Variants in ATP6V1E1 observed in about 807,000 individuals in gnomAD.
ATP6V1E1 encodes the protein ATPase H+ transporting V1 subunit E1.
A neutral mutation model predicts 35.2 loss-of-function variants in ATP6V1E1; 21 were observed. That is an observed-to-expected ratio of 0.60 (90% CI 0.42 to 0.86). The LOEUF (loss-of-function observed/expected upper bound fraction) is 0.86, where lower values mean the gene tolerates loss of function less well. Among genes scored for constraint, ATP6V1E1 ranks in the 40% least tolerant of loss-of-function variants. The pLI is 0.00. For missense variants in ATP6V1E1, 183 were observed against 272.6 expected, an observed-to-expected ratio of 0.67 and a Z score of 2.32; for synonymous variants, 83 against 87.8, an observed-to-expected ratio of 0.95 and a Z score of 0.30.
At chr22:17,607,147 C>CTTTTTTT in intron 4 of ATP6V1E1, among the ~76,000 whole-genome samples, 1 of 151,750 alleles carries the variant, frequency 6.6e-6, no homozygotes, top group East Asian at 1.9e-4. Flanking sequence ...TTTACCTGTT[C>CTTTTTTT]TTCCTATATT....
intron 4 of ATP6V1E1, among the ~76,000 whole-genome samples, chr22:17,605,530 CAAAAAG>C (rs1011474551): frequency 3.3e-5 from 5 of 151,594 alleles, no homozygotes; most frequent in African/African-American, 7.3e-5. Context: ...AACTCCGTCT[CAAAAAG>C]AAAAAGAAAA....
chr22:17,600,218 T>A, intron 5 of ATP6V1E1, 123 bp from the exon 6 acceptor site: 1 of 816,184 alleles, frequency 1.2e-6, no homozygotes, highest in East Asian at 2.7e-5. Context: ...GCGGATTGCC[T>A]GAGCTCAGAA....
At chr22:17,625,655 T>A (rs1419737318) in intron 1 of ATP6V1E1, among the ~76,000 whole-genome samples, 1 of 151,768 alleles carries the variant, frequency 6.6e-6, no homozygotes, top group Non-Finnish European at 1.5e-5. Context: ...GCACAGTACT[T>A]CAGAAAAAAA....
intron 4 of ATP6V1E1, among the ~76,000 whole-genome samples, chr22:17,609,379 CA>C (rs2057803107): frequency 1.3e-5 from 2 of 150,188 alleles, no homozygotes; most frequent in South Asian, 4.2e-4. Context: ...GGGCTGGTCT[CA>C]AACTCCTGAC....
At position 17,600,021 on chromosome 22, in the gene ATP6V1E1, CT is replaced by C; in HGVS notation, c.435+5del. ...GGGAGGGAAAAAATTATCCTAAGTT[CT>C]TTACCTTTACCAGAGGGAAATCTTG... On this transcript the variant is annotated splice_donor_5th_base_variant and intron_variant, in intron 6 of 8. Transcript: ENST00000253413. 1 of 1,611,338 alleles carries C rather than the reference CT, an allele frequency of 6.2e-7. No homozygotes were observed. The highest frequency in any genetic ancestry group is 8.5e-7 in the Non-Finnish European group (1 of 1,177,810).
rs559939597 is a variant in ATP6V1E1 at position 17,616,546 on chromosome 22, G to T, written c.99+2915C>A. ...TACAAAAAATTAGCTGGGCGTGATG[G>T]CATGCGCCTGTAGTCCCAGCTACTT... On this transcript the variant is annotated intron_variant, in intron 2 of 8. Coordinates refer to ENST00000253413, the MANE Select transcript of ATP6V1E1 (RefSeq NM_001696.4). 5.9e-5 allele frequency among the ~76,000 whole-genome samples: 9 copies of T among 151,998 alleles called. No individual in the cohort carries two copies. In the South Asian group the frequency reaches 1.5e-3, roughly 25 times the overall value.
intron 1 of ATP6V1E1, among the ~76,000 whole-genome samples, chr22:17,626,485 C>A (rs1227500330): frequency 6.6e-6 from 1 of 152,108 alleles, no homozygotes; most frequent in East Asian, 1.9e-4. Flanking sequence ...AATGATTCTC[C>A]CACATCAGCC....
At chr22:17,602,407 C>T (rs575303871) in intron 4 of ATP6V1E1, among the ~76,000 whole-genome samples, 2 of 151,418 alleles carry the variant, frequency 1.3e-5, no homozygotes, top group African/African-American at 4.9e-5. Context: ...GACAGTCTCG[C>T]TCTGTTGCCC....
rs368549409 is a variant in ATP6V1E1, at chr22:17,601,132, G to T, written c.326C>A (p.Thr109Lys). 8 of 1,613,664 alleles carry T rather than the reference G, an allele frequency of 5.0e-6. No homozygotes were observed. Among genetic ancestry groups the T allele is most frequent in the African/African-American group, 1.3e-5 (1 of 74,914 alleles). Reference sequence around the variant, plus strand: ...ATCCAGCAGCACTTGGTACCTGGTTGTATCTTTTACCACCTTGCTGAGTCT... The same window carrying T: ...ATCCAGCAGCACTTGGTACCTGGTTTTATCTTTTACCACCTTGCTGAGTCT... The part of the protein sequence containing the change: ...KQRLSKVVKD[T>K]TRYQVLLDGL... The change falls in exon 5 of 9, where the codon ACA becomes AAA. Residue 109 changes from threonine to lysine, a missense_variant. Transcript: ENST00000253413.
intron 2 of ATP6V1E1, among the ~76,000 whole-genome samples, chr22:17,617,926 C>T (rs2057855087): frequency 6.6e-6 from 1 of 152,220 alleles, no homozygotes; most frequent in Non-Finnish European, 1.5e-5. Flanking sequence ...TCTCCCGCCT[C>T]AGCCTCCCGA....
intron 4 of ATP6V1E1, among the ~76,000 whole-genome samples, chr22:17,608,335 G>A (rs1368587389): frequency 2.6e-5 from 4 of 152,176 alleles, no homozygotes; most frequent in African/African-American, 4.8e-5. Context: ...GACTAAATCC[G>A]GGAAAGACAT....
Position 17,607,527 on chromosome 22 carries a change from G to A in ATP6V1E1, c.276+5285C>T, listed in dbSNP as rs149174889. 2.6e-4 allele frequency among the ~76,000 whole-genome samples: 40 copies of A among 152,094 alleles called. No individual in the cohort carries two copies. In the East Asian group the frequency reaches 7.7e-3, roughly 29 times the overall value. ...TCCTTTGCATTCACTCATCACAACT[G>A]TAAGTCACCAAGTCCTACAGATTCC... On this transcript the variant is annotated intron_variant, in intron 4 of 8. Transcript: ENST00000253413.
chr22:17,597,114 C>T (rs573886672), intron 7 of ATP6V1E1, among the ~76,000 whole-genome samples: 8 of 151,920 alleles, frequency 5.3e-5, no homozygotes, highest in Non-Finnish European at 8.8e-5. Flanking sequence ...TGGTGGCAGG[C>T]GCCTGTAGTC....
chr22:17,612,987 C>G, intron 3 of ATP6V1E1, 109 bp from the exon 4 acceptor site: 1 of 1,115,740 alleles, frequency 9.0e-7, no homozygotes, highest in South Asian at 1.5e-5. Context: ...CCCAAAGCAC[C>G]AGGATTACAA....
intron 4 of ATP6V1E1, among the ~76,000 whole-genome samples, chr22:17,604,622 C>T (rs970682088): frequency 2.6e-5 from 4 of 151,450 alleles, no homozygotes; most frequent in East Asian, 2.0e-4. Flanking sequence ...TGGGTTCAAG[C>T]GATTCTCCTG....
chr22:17,604,787 G>T (rs1315370329), intron 4 of ATP6V1E1, among the ~76,000 whole-genome samples: 3 of 152,076 alleles, frequency 2.0e-5, no homozygotes, highest in African/African-American at 7.2e-5. Flanking sequence ...AAAGTGTTGG[G>T]ATTACAAGCA....
chr22:17,615,591 A>T (rs1444720495), intron 2 of ATP6V1E1, among the ~76,000 whole-genome samples: 1 of 151,568 alleles, frequency 6.6e-6, no homozygotes, highest in Non-Finnish European at 1.5e-5. Flanking sequence ...TAGAGTGAGC[A>T]GAGATTACAC....
chr22:17,609,688 C>T (rs1044714913), intron 4 of ATP6V1E1, among the ~76,000 whole-genome samples: 77 of 151,790 alleles, frequency 5.1e-4, no homozygotes, highest in African/African-American at 1.6e-3. Flanking sequence ...CCAGGATGGT[C>T]TCAATCTCCT....
At chr22:17,601,355 G>A (rs1178423305) in intron 4 of ATP6V1E1, among the ~76,000 whole-genome samples, 174 bp from the exon 5 acceptor site, 3 of 152,148 alleles carry the variant, frequency 2.0e-5, no homozygotes, top group Non-Finnish European at 4.4e-5. Flanking sequence ...TGGGTACAAG[G>A]AAGCATGTAA....
Sources: gnomAD v4.1 joint callset for allele counts (sites outside exome capture counted in the v4.1 genomes callset) on GRCh38, gnomAD v4.1.1 for gene constraint, MANE v1.5 for transcripts, NCBI Gene and HGNC (gene_info 2026-07-23, HGNC 2026-07-21) for gene names.